Variants in AS3MT observed in about 807,000 individuals in gnomAD.
The protein encoded by AS3MT is arsenite methyltransferase.
AS3MT carries 47 observed loss-of-function variants against 45.3 expected under a neutral mutation model. The ratio of observed to expected loss-of-function variants is 1.04; its 90% CI spans 0.82 to 1.32. The LOEUF (loss-of-function observed/expected upper bound fraction) is 1.32, where lower values mean the gene tolerates loss of function less well. Ranked by LOEUF, AS3MT falls within the 40% of genes most tolerant of loss-of-function variation. AS3MT has a pLI of 0.00. For missense variants in AS3MT, 396 were observed against 451.1 expected, an observed-to-expected ratio of 0.88 and a Z score of 1.11; for synonymous variants, 141 against 152.8, an observed-to-expected ratio of 0.92 and a Z score of 0.57.
intron 9 of AS3MT, among the ~76,000 whole-genome samples, chr10:102,889,677 A>ACCC (rs543952840): frequency 1.7e-5 from 1 of 59,742 alleles, no homozygotes; most frequent in East Asian, 6.7e-4. Flanking sequence ...TCCTCCCTCC[A>ACCC]CCCCCCCCGC....
chr10:102,873,227 T>C lies in AS3MT; in HGVS notation c.452T>C (p.Ile151Thr), dbSNP rs1433349197. 7.5e-6 allele frequency: 12 copies of C among 1,601,624 alleles called. No homozygotes were observed. The highest frequency in any genetic ancestry group is 9.3e-6 in the Non-Finnish European group (11 of 1,176,600). ...EAGIKNESHDIVVSNCVINLV... is the reference protein window; with the variant it reads ...EAGIKNESHDTVVSNCVINLV... The stretch of plus-strand genomic sequence containing the variant: ...GGAATCAAGAATGAGAGCCATGATA[T>C]TGTTGTGTAGGTCTATATTCTTACT... Residue 151 changes from isoleucine (I) to threonine (T), a missense_variant, in exon 5 of 11, where the codon ATT becomes ACT. Ile to Thr is a moderately conservative substitution (Grantham distance 89). Transcript: ENST00000369880.
At chr10:102,897,950 G>A (rs1049330256) in intron 10 of AS3MT, among the ~76,000 whole-genome samples, 1 of 152,126 alleles carries the variant, frequency 6.6e-6, no homozygotes, top group Admixed American at 6.6e-5. Flanking sequence ...CCAACATAAG[G>A]TCTCCTTTCT....
intron 10 of AS3MT, among the ~76,000 whole-genome samples, chr10:102,896,003 T>C (rs1047755516): frequency 3.3e-5 from 5 of 151,754 alleles, no homozygotes; most frequent in African/African-American, 1.2e-4. Flanking sequence ...CTCAAACTCC[T>C]GACCTCAGGT....
At chr10:102,887,718 G>A (rs1407915079) in intron 9 of AS3MT, among the ~76,000 whole-genome samples, 1 of 151,924 alleles carries the variant, frequency 6.6e-6, no homozygotes, top group East Asian at 1.9e-4. Flanking sequence ...TAGGTTTCTT[G>A]TAGGCAGCAT....
At chr10:102,898,062 G>A (rs1845208098) in intron 10 of AS3MT, among the ~76,000 whole-genome samples, 1 of 151,878 alleles carries the variant, frequency 6.6e-6, no homozygotes, top group Non-Finnish European at 1.5e-5. Context: ...AAATGAAACA[G>A]TTGTGTGACC....
chr10:102,884,996 T>C (rs564311203), intron 9 of AS3MT, among the ~76,000 whole-genome samples: 1 of 152,288 alleles, frequency 6.6e-6, no homozygotes, highest in South Asian at 2.1e-4. Context: ...AGGAACCCAT[T>C]TGAATTATTC....
chr10:102,896,438 A>T (rs866423842), intron 10 of AS3MT, among the ~76,000 whole-genome samples: 2 of 151,656 alleles, frequency 1.3e-5, no homozygotes, highest in East Asian at 3.9e-4. Flanking sequence ...AGAATCCTGG[A>T]CCCCAAAACC....
chr10:102,872,540 T>C lies in AS3MT; in HGVS notation c.263T>C (p.Leu88Pro). Residue 88 changes from leucine to proline, a missense_variant, in exon 4 of 11, where the codon CTT becomes CCT. Coordinates refer to ENST00000369880, the MANE Select transcript of AS3MT (RefSeq NM_020682.4). Reference sequence around the variant, plus strand: ...GGAAGTGGCAGAGATTGCTATGTACTTAGCCAGCTGGTTGGTGAAAAAGGA... The same window carrying C: ...GGAAGTGGCAGAGATTGCTATGTACCTAGCCAGCTGGTTGGTGAAAAAGGA... ...GSGSGRDCYV[L>P]SQLVGEKGHV... 1 of 1,614,046 alleles carries C rather than the reference T, an allele frequency of 6.2e-7. No homozygotes were observed. The highest frequency in any genetic ancestry group is 8.5e-7 in the Non-Finnish European group (1 of 1,179,946).
intron 9 of AS3MT, among the ~76,000 whole-genome samples, chr10:102,890,137 A>G (rs910987587): frequency 7.3e-5 from 11 of 151,446 alleles, no homozygotes. Context: ...AGTAGCTGGG[A>G]CAACAGGCGC....
At chr10:102,874,931 G>A (rs963426988) in intron 6 of AS3MT, among the ~76,000 whole-genome samples, 6 of 152,156 alleles carry the variant, frequency 3.9e-5, no homozygotes, top group African/African-American at 1.2e-4. Flanking sequence ...ATTTGCTGCT[G>A]TACATGATCC....
chr10:102,880,388 C>T (rs1844854364), intron 9 of AS3MT, among the ~76,000 whole-genome samples: 1 of 152,048 alleles, frequency 6.6e-6, no homozygotes, highest in Admixed American at 6.6e-5. Context: ...TTAAGTCCAA[C>T]ACCAGTGAAA....
At chr10:102,886,332 CT>C (rs147355245) in intron 9 of AS3MT, among the ~76,000 whole-genome samples, 16 of 114,302 alleles carry the variant, frequency 1.4e-4, no homozygotes, top group South Asian at 8.9e-4. Context: ...TCCATTCTTT[CT>C]TTTTTTTTTG....
intron 3 of AS3MT, among the ~76,000 whole-genome samples, chr10:102,870,543 A>G (rs1844661548): frequency 6.6e-6 from 1 of 152,078 alleles, no homozygotes; most frequent in Non-Finnish European, 1.5e-5. Context: ...CATCTCTAAA[A>G]TAAATGCGTA....
At chr10:102,889,618 T>TGCCTGCCTGCCTG (rs1292952699) in intron 9 of AS3MT, among the ~76,000 whole-genome samples, 136 of 95,038 alleles carry the variant, frequency 1.4e-3, no homozygotes, top group African/African-American at 4.1e-3. Flanking sequence ...CTGCCTGCCT[T>TGCCTGCCTGCCTG]CCTTCCTTCC....
In AS3MT at chr10:102,881,995, A is replaced by G. The variant is rs894842056; in HGVS notation, c.885+3004A>G. ...CGCTCTGTCACTCAGGCTGGAGTGCAGTGGCCCGATCTCGGCTCACTGCAA... is the reference window on the plus strand; with the variant it reads ...CGCTCTGTCACTCAGGCTGGAGTGCGGTGGCCCGATCTCGGCTCACTGCAA... On this transcript the variant is annotated intron_variant, in intron 9 of 10. Transcript: ENST00000369880. The surrounding 1 kb of genome is among the most constrained non-coding windows in gnomAD (Gnocchi z 4.2). 6.7e-6 allele frequency among the ~76,000 whole-genome samples: 1 copy of G among 149,940 alleles called. No homozygotes were observed. The highest frequency in any genetic ancestry group is 1.5e-5 in the Non-Finnish European group (1 of 67,694).
intron 10 of AS3MT, among the ~76,000 whole-genome samples, chr10:102,895,434 C>T (rs1845148768): frequency 6.6e-6 from 1 of 152,122 alleles, no homozygotes; most frequent in Non-Finnish European, 1.5e-5. Context: ...CTCCTGACAT[C>T]AGATGATCCA....
Position 102,881,596 on chromosome 10 carries a change from CT to C in AS3MT, c.885+2608del, listed in dbSNP as rs1386130043. ...GTAAAAGCAGGGATAATAATACTTA[CT>C]TTGCAGAATTTCTATAAGGATTAGC... On this transcript the variant is annotated intron_variant, in intron 9 of 10. Coordinates refer to ENST00000369880, the MANE Select transcript of AS3MT (RefSeq NM_020682.4). The surrounding 1 kb of genome is among the most constrained non-coding windows in gnomAD (Gnocchi z 4.2). 6.6e-6 allele frequency among the ~76,000 whole-genome samples: 1 copy of C among 152,158 alleles called. No homozygotes were observed. Among genetic ancestry groups the C allele is most frequent in the African/African-American group, 2.4e-5 (1 of 41,428 alleles).
rs1281680034 is a variant in AS3MT at position 102,874,669 on chromosome 10, G to GGA, written c.528+12_528+13dup. The GGA allele has an allele frequency of 4.4e-6, 7 of 1,596,748 alleles. No homozygotes were observed. The African/African-American group carries it at 6.7e-5, about 15-fold the overall frequency. On this transcript the variant is annotated intron_variant, in intron 6 of 10. Transcript: ENST00000369880. ...GCATATCGGGTGCTGAAGGTGAGGA[G>GGA]GAGAGTGAGATAAATTATCTTTGAA... is the stretch of plus-strand genomic sequence containing the variant.
chr10:102,886,332 C>CT (rs147355245), intron 9 of AS3MT, among the ~76,000 whole-genome samples: 14,765 of 114,232 alleles, frequency 0.13, 810 homozygotes, highest in Middle Eastern at 0.21. Context: ...TCCATTCTTT[C>CT]TTTTTTTTTT....
Sources: gnomAD v4.1 joint callset for allele counts (sites outside exome capture counted in the v4.1 genomes callset) on GRCh38, gnomAD v4.1.1 for gene constraint, Gnocchi (gnomAD v3.1) non-coding constraint, MANE v1.5 for transcripts, NCBI Gene and HGNC (gene_info 2026-07-23, HGNC 2026-07-21) for gene names.